SPAG16: variants seen among roughly 807,000 people sequenced by gnomAD.
SPAG16 encodes sperm-associated antigen 16 protein.
Under a neutral mutation model 80.4 loss-of-function variants are expected in SPAG16, and 86 were observed. The ratio of observed to expected loss-of-function variants is 1.07; its 90% confidence interval spans 0.90 to 1.28. The LOEUF is 1.28. Ranked by LOEUF, SPAG16 falls within the 50% of genes most tolerant of loss-of-function variation. SPAG16 has a pLI of 0.00. For missense variants in SPAG16, 870 were observed against 765.3 expected (o/e 1.14, Z -1.61); for synonymous variants, 294 against 265.9 (o/e 1.11, Z -1.03).
At chr2:214,294,333 T>C (rs1222194507) in intron 15 of SPAG16, among the ~76,000 whole-genome samples, 2 of 152,158 alleles carry the variant, frequency 1.3e-5, no homozygotes, top group African/African-American at 2.4e-5. Context: ...TCCCAGTCAA[T>C]CCCAACTGAG....
At chr2:213,314,375 A>T (rs1216840156) in intron 4 of SPAG16, among the ~76,000 whole-genome samples, 1 of 150,434 alleles carries the variant, frequency 6.6e-6, no homozygotes, top group Non-Finnish European at 1.5e-5. Flanking sequence ...AGAAAAAATA[A>T]AAAGTCAGGA....
chr2:214,148,292 G>C (rs1232793200), intron 14 of SPAG16, among the ~76,000 whole-genome samples: 1 of 152,094 alleles, frequency 6.6e-6, no homozygotes, highest in African/African-American at 2.4e-5. Flanking sequence ...AACATTTCCT[G>C]AGAGACCAGC....
chr2:213,532,356 A>C (rs1473245565), intron 10 of SPAG16, among the ~76,000 whole-genome samples: 1 of 152,194 alleles, frequency 6.6e-6, no homozygotes, highest in Non-Finnish European at 1.5e-5. Context: ...TGTGTTAAAA[A>C]TAATTTGATT....
At chr2:213,382,477 G>C (rs2067222747) in intron 9 of SPAG16, among the ~76,000 whole-genome samples, 1 of 152,132 alleles carries the variant, frequency 6.6e-6, no homozygotes. Flanking sequence ...CTTGTTATAG[G>C]CTTCCTATAG....
chr2:213,292,460 C>G (rs901683702), intron 1 of SPAG16, among the ~76,000 whole-genome samples: 4 of 151,344 alleles, frequency 2.6e-5, no homozygotes, highest in Admixed American at 6.6e-5. Flanking sequence ...GTCAGGAGAT[C>G]GAGACCATCC....
chr2:214,067,976 C>A (rs887909785), intron 13 of SPAG16, among the ~76,000 whole-genome samples: 2 of 152,090 alleles, frequency 1.3e-5, no homozygotes, highest in African/African-American at 4.8e-5. Context: ...ATTTAACCTT[C>A]AAAATATTTT....
chr2:214,335,304 T>C lies in SPAG16; in HGVS notation c.1721-74836T>C, dbSNP rs538709019. Reference sequence around the variant, plus strand: ...TCCTAGCAACTGGAGAAATAAGTCTTCCATTCCTGAAAGAACATCTCTGTG... The same window carrying C: ...TCCTAGCAACTGGAGAAATAAGTCTCCCATTCCTGAAAGAACATCTCTGTG... On this transcript the variant is annotated intron_variant, in intron 15 of 15. Coordinates refer to ENST00000331683, the MANE Select transcript of SPAG16 (RefSeq NM_024532.5). Among the ~76,000 whole-genome samples the C allele has an allele frequency of 1.2e-3, 187 of 152,152 alleles. 1 individual carries two copies. The highest frequency in any genetic ancestry group is 2.2e-3 in the Admixed American group (34 of 15,280).
intron 15 of SPAG16, among the ~76,000 whole-genome samples, chr2:214,367,431 T>C (rs1424493954): frequency 6.6e-6 from 1 of 152,178 alleles, no homozygotes; most frequent in African/African-American, 2.4e-5. Flanking sequence ...AAGAGTTTCA[T>C]AACATTAAAG....
chr2:213,776,836 C>CG (rs1553628634), intron 10 of SPAG16, among the ~76,000 whole-genome samples: 3 of 115,896 alleles, frequency 2.6e-5, no homozygotes, highest in Non-Finnish European at 3.5e-5. Context: ...ACCCCCCCCC[C>CG]ACCCCAGGAC....
intron 9 of SPAG16, among the ~76,000 whole-genome samples, chr2:213,387,545 C>T (rs1243866808): frequency 3.1e-5 from 2 of 63,804 alleles, no homozygotes; most frequent in African/African-American, 1.3e-4. Context: ...AGCTCCGCCT[C>T]CCGGGTTCAC....
intron 9 of SPAG16, among the ~76,000 whole-genome samples, chr2:213,391,251 G>A (rs1369247126): frequency 1.3e-5 from 2 of 152,096 alleles, no homozygotes; most frequent in African/African-American, 4.8e-5. Context: ...CTGGGCGATG[G>A]AGCGAGACTC....
chr2:213,881,640 G>A (rs1157860272), intron 11 of SPAG16, among the ~76,000 whole-genome samples: 4 of 152,198 alleles, frequency 2.6e-5, no homozygotes, highest in Non-Finnish European at 2.9e-5. Context: ...AAGTGCCAAG[G>A]CAGGGGGAAC....
chr2:213,491,575 C>A (rs1480566413), intron 10 of SPAG16, among the ~76,000 whole-genome samples: 1 of 152,170 alleles, frequency 6.6e-6, no homozygotes, highest in Non-Finnish European at 1.5e-5. Flanking sequence ...GTGGCCAATG[C>A]TGGTCTACTT....
intron 10 of SPAG16, among the ~76,000 whole-genome samples, chr2:213,524,165 C>A (rs1233153616): frequency 6.6e-6 from 1 of 152,176 alleles, no homozygotes; most frequent in East Asian, 1.9e-4. Flanking sequence ...GCTACAAGAA[C>A]CCAAGGTAAA....
At chr2:214,283,240 C>T (rs919230394) in intron 15 of SPAG16, among the ~76,000 whole-genome samples, 1 of 152,090 alleles carries the variant, frequency 6.6e-6, no homozygotes, top group African/African-American at 2.4e-5. Flanking sequence ...GAATTATCAT[C>T]ATAATAACGT....
In SPAG16 at chr2:214,095,753, G is replaced by C. The variant is rs888675727; in HGVS notation, c.1528-12443G>C. 4.0e-5 allele frequency among the ~76,000 whole-genome samples: 6 copies of C among 151,894 alleles called. No individual in the cohort carries two copies. The East Asian group carries it at 1.2e-3, about 30-fold the overall frequency. ...GCATAAAGTTTCAGTTATGCAAGAT[G>C]AAAAAGTTTTGGAGATCTGTTGTAC... is the stretch of plus-strand genomic sequence containing the variant. On this transcript the variant is annotated intron_variant, in intron 13 of 15. Coordinates refer to ENST00000331683, the MANE Select transcript of SPAG16 (RefSeq NM_024532.5).
At chr2:213,913,657 A>ATGTG (rs2077805665) in intron 11 of SPAG16, among the ~76,000 whole-genome samples, 4 of 97,328 alleles carry the variant, frequency 4.1e-5, no homozygotes, top group African/African-American at 1.2e-4. Context: ...ACATGTACAT[A>ATGTG]TATGTATATG....
chr2:213,978,502 T>C (rs561299953), intron 12 of SPAG16, among the ~76,000 whole-genome samples: 1 of 152,294 alleles, frequency 6.6e-6, no homozygotes, highest in Non-Finnish European at 1.5e-5. Context: ...ATTGCCTGGT[T>C]TCAAAATGAT....
chr2:213,595,957 A>G (rs1457135859), intron 10 of SPAG16, among the ~76,000 whole-genome samples: 1 of 152,046 alleles, frequency 6.6e-6, no homozygotes, highest in Non-Finnish European at 1.5e-5. Context: ...TGCTTCATTA[A>G]TTAGTAACTG....
Sources: allele counts gnomAD v4.1 joint callset (sites outside exome capture counted in the v4.1 genomes callset), GRCh38; gene constraint gnomAD v4.1.1; transcripts MANE v1.5; gene names NCBI Gene and HGNC (gene_info 2026-07-23, HGNC 2026-07-21).